Variants in MATCAP2 observed in about 807,000 individuals in gnomAD.
MATCAP2 encodes microtubule associated tyrosine carboxypeptidase 2.
the MATCAP2 span, among the ~76,000 whole-genome samples, chr7:36,385,372 A>G: frequency 6.6e-6 from 1 of 152,212 alleles, no homozygotes; most frequent in South Asian, 2.1e-4. Flanking sequence ...AAATAATCCA[A>G]GTTGAATTGG....
chr7:36,370,244 G>T, the MATCAP2 span, among the ~76,000 whole-genome samples: 1 of 152,130 alleles, frequency 6.6e-6, no homozygotes, highest in Admixed American at 6.5e-5. Context: ...ATTGGGTTCA[G>T]CATCTGCAGC....
chr7:36,363,020 G>C, the MATCAP2 span, among the ~76,000 whole-genome samples: 1 of 152,174 alleles, frequency 6.6e-6, no homozygotes, highest in Non-Finnish European at 1.5e-5. Context: ...GCTTATGAAA[G>C]GGGGGCCAGA....
the MATCAP2 span, chr7:36,366,758 T>C: frequency 2.0e-6 from 3 of 1,534,650 alleles, no homozygotes; most frequent in Non-Finnish European, 2.6e-6. Context: ...CTCCACAGGT[T>C]TTTCGCGAGC....
the MATCAP2 span, among the ~76,000 whole-genome samples, chr7:36,367,524 T>TA: frequency 1.3e-5 from 2 of 152,094 alleles, no homozygotes; most frequent in South Asian, 4.1e-4. Context: ...TAGCTGCAAA[T>TA]AGCAAAGCCA....
At chr7:36,348,930 C>T in the MATCAP2 span, among the ~76,000 whole-genome samples, 2 of 152,200 alleles carry the variant, frequency 1.3e-5, no homozygotes, top group African/African-American at 2.4e-5. Flanking sequence ...GTGCCAGGAA[C>T]TGCGCTCAAT....
At chr7:36,375,988 TA>T in the MATCAP2 span, among the ~76,000 whole-genome samples, 1 of 152,354 alleles carries the variant, frequency 6.6e-6, no homozygotes, top group East Asian at 1.9e-4. Flanking sequence ...TTTTCTTCTT[TA>T]TTAGTCTTGC....
the MATCAP2 span, among the ~76,000 whole-genome samples, chr7:36,363,983 T>A: frequency 6.6e-6 from 1 of 152,130 alleles, no homozygotes; most frequent in African/African-American, 2.4e-5. Context: ...AATTTCATGT[T>A]AATAAGGTAA....
At chr7:36,353,724 G>A in the MATCAP2 span, among the ~76,000 whole-genome samples, 312 of 152,134 alleles carry the variant, frequency 2.1e-3, no homozygotes, top group Non-Finnish European at 2.7e-3. Context: ...CAAGTGATCC[G>A]CCTGCCTCGG....
At chr7:36,325,652 G>A in the MATCAP2 span, 9 of 152,012 alleles carry the variant, frequency 5.9e-5, no homozygotes, top group Non-Finnish European at 1.0e-4. Context: ...TTGAATCCAG[G>A]TATATATATA....
the MATCAP2 span, chr7:36,390,220 C>A: frequency 1.0e-6 from 1 of 1,004,562 alleles, no homozygotes; most frequent in Non-Finnish European, 1.5e-6. Flanking sequence ...TGGTGGGTTC[C>A]TCTGAGATTT....
At chr7:36,372,249 C>T in the MATCAP2 span, among the ~76,000 whole-genome samples, 1 of 152,102 alleles carries the variant, frequency 6.6e-6, no homozygotes, top group African/African-American at 2.4e-5. Context: ...AGTTGCAATA[C>T]CTCAGATTCT....
chr7:36,364,943 A>ATC, the MATCAP2 span, among the ~76,000 whole-genome samples: 1 of 152,186 alleles, frequency 6.6e-6, no homozygotes, highest in African/African-American at 2.4e-5. Context: ...TACTATAGAA[A>ATC]TTCACTGCCA....
At chr7:36,366,810 T>G in the MATCAP2 span, 1 of 1,523,532 alleles carries the variant, frequency 6.6e-7, no homozygotes, top group Non-Finnish European at 8.7e-7. Context: ...CAGGGTGGAG[T>G]CCCGAGCGGC....
chr7:36,389,795 C>T, the MATCAP2 span: 1 of 745,210 alleles, frequency 1.3e-6, no homozygotes, highest in Non-Finnish European at 2.1e-6. Flanking sequence ...GAGGGCGCCC[C>T]GGCTCCGCCC....
the MATCAP2 span, chr7:36,367,172 C>T: frequency 2.5e-6 from 3 of 1,203,408 alleles, no homozygotes; most frequent in African/African-American, 4.7e-5. Flanking sequence ...CACACGGCGG[C>T]CTTACGGTGC....
chr7:36,370,963 C>T, the MATCAP2 span, among the ~76,000 whole-genome samples: 99 of 152,190 alleles, frequency 6.5e-4, no homozygotes, highest in East Asian at 8.3e-3. Context: ...TATTGTGGAA[C>T]ATTTTGATTA....
At chr7:36,331,801 A>C in the MATCAP2 span, among the ~76,000 whole-genome samples, 1 of 152,198 alleles carries the variant, frequency 6.6e-6, no homozygotes, top group African/African-American at 2.4e-5. Context: ...TTTTAAAAAA[A>C]TTTTGCTCTA....
the MATCAP2 span, among the ~76,000 whole-genome samples, chr7:36,358,451 T>A: frequency 6.6e-6 from 1 of 152,246 alleles, no homozygotes; most frequent in Admixed American, 6.5e-5. Context: ...ATTTTCTTCA[T>A]AATTCTAAGC....
the MATCAP2 span, among the ~76,000 whole-genome samples, chr7:36,360,631 A>C: frequency 6.6e-6 from 1 of 152,206 alleles, no homozygotes; most frequent in Non-Finnish European, 1.5e-5. Context: ...AATTTCTCAG[A>C]GTCACAGTAA....
Sources: allele counts gnomAD v4.1 joint callset (sites outside exome capture counted in the v4.1 genomes callset), GRCh38; gene constraint gnomAD v4.1.1; transcripts MANE v1.5; gene names NCBI Gene and HGNC (gene_info 2026-07-23, HGNC 2026-07-21).